The following HOMER2 variants were observed in gnomAD, a reference collection of about 807,000 sequenced individuals.
HOMER2 encodes homer scaffold protein 2.
HOMER2 carries 27 observed loss-of-function variants against 47.0 expected under a neutral mutation model. The observed-to-expected ratio is 0.57, with a 90% confidence interval of 0.42 to 0.79. HOMER2 has a LOEUF of 0.79. HOMER2 is among the 30% of genes least tolerant of loss of function. HOMER2 has a pLI of 0.00. For missense variants in HOMER2, 443 were observed against 435.0 expected (o/e 1.02, Z -0.16); for synonymous variants, 161 against 163.8 (o/e 0.98, Z 0.13).
At chr15:82,923,391 G>A (rs1259762166) in intron 1 of HOMER2, among the ~76,000 whole-genome samples, 2 of 151,652 alleles carry the variant, frequency 1.3e-5, no homozygotes, top group Admixed American at 1.3e-4. Context: ...GGAGGCTGAG[G>A]CATGAGAATT....
At chr15:82,893,916 C>T (rs1354948494) in intron 1 of HOMER2, among the ~76,000 whole-genome samples, 1 of 152,138 alleles carries the variant, frequency 6.6e-6, no homozygotes, top group African/African-American at 2.4e-5. Context: ...CCAGCATGAG[C>T]CATTATAGGG....
At chr15:82,950,263 C>T (rs1339931770) in intron 1 of HOMER2, among the ~76,000 whole-genome samples, 2 of 152,118 alleles carry the variant, frequency 1.3e-5, no homozygotes, top group East Asian at 3.8e-4. Flanking sequence ...ACTGGAGAGG[C>T]CACACTTAAC....
chr15:82,881,517 A>C (rs2052520923), intron 2 of HOMER2, among the ~76,000 whole-genome samples: 1 of 152,330 alleles, frequency 6.6e-6, no homozygotes, highest in Admixed American at 6.5e-5. Flanking sequence ...TTAAAACAAC[A>C]ACAACAAATC....
At chr15:82,868,784 C>A (rs2052077241) in intron 3 of HOMER2, among the ~76,000 whole-genome samples, 1 of 151,228 alleles carries the variant, frequency 6.6e-6, no homozygotes, top group African/African-American at 2.4e-5. Context: ...CTCCTGACCT[C>A]AGGTGATTCG....
At chr15:82,934,826 C>T (rs1477249860) in intron 1 of HOMER2, among the ~76,000 whole-genome samples, 1 of 152,248 alleles carries the variant, frequency 6.6e-6, no homozygotes, top group Non-Finnish European at 1.5e-5. Flanking sequence ...GCCTGTGTTT[C>T]TCTGGTAGCC....
chr15:82,835,193 C>T (rs1351198995), downstream of HOMER2: 1 of 151,766 alleles, frequency 6.6e-6, no homozygotes, highest in African/African-American at 2.4e-5. Flanking sequence ...GTGGCACGAT[C>T]TCAGCTCACT....
intron 5 of HOMER2, among the ~76,000 whole-genome samples, chr15:82,858,073 T>C (rs1369283732): frequency 6.6e-6 from 1 of 152,234 alleles, no homozygotes; most frequent in African/African-American, 2.4e-5. Flanking sequence ...AATTATTTTA[T>C]AAACCTTGAA....
chr15:82,951,555 G>A (rs555289370), intron 1 of HOMER2, among the ~76,000 whole-genome samples: 1 of 152,360 alleles, frequency 6.6e-6, no homozygotes, highest in East Asian at 1.9e-4. Context: ...TGGAGCAGAA[G>A]CATTTGAGTC....
At chr15:82,970,718 A>C (rs2029957240) in intron 1 of HOMER2, among the ~76,000 whole-genome samples, 1 of 152,226 alleles carries the variant, frequency 6.6e-6, no homozygotes, top group Non-Finnish European at 1.5e-5. Context: ...CTCTGAGATA[A>C]AATTTCTTTC....
chr15:82,919,627 A>AATC (rs2053677592), intron 1 of HOMER2, among the ~76,000 whole-genome samples: 1 of 152,248 alleles, frequency 6.6e-6, no homozygotes, highest in Non-Finnish European at 1.5e-5. Context: ...TACCAGGAAG[A>AATC]ATCAAGTCAA....
intron 1 of HOMER2, among the ~76,000 whole-genome samples, chr15:82,897,318 C>A (rs1394766975): frequency 2.0e-5 from 3 of 152,072 alleles, no homozygotes; most frequent in Non-Finnish European, 2.9e-5. Flanking sequence ...CATGCCTCGG[C>A]CTCCCAAAGT....
chr15:82,948,346 G>A (rs192686553), intron 1 of HOMER2, among the ~76,000 whole-genome samples: 92 of 144,792 alleles, frequency 6.4e-4, no homozygotes, highest in African/African-American at 2.3e-3. Flanking sequence ...AGCCAAGATC[G>A]CGCCACTGCA....
intron 1 of HOMER2, among the ~76,000 whole-genome samples, chr15:82,977,555 GA>G (rs10714840): frequency 0.22 from 34,098 of 152,074 alleles, 4,252 homozygotes; most frequent in East Asian, 0.57. Flanking sequence ...TTAGAAATTG[GA>G]AAGTCTAAGT....
chr15:82,977,304 T>C (rs972904334), intron 1 of HOMER2, among the ~76,000 whole-genome samples: 13 of 152,188 alleles, frequency 8.5e-5, no homozygotes, highest in African/African-American at 3.1e-4. Context: ...AGGGAACATA[T>C]GGAACCCACC....
intron 1 of HOMER2, among the ~76,000 whole-genome samples, chr15:82,931,385 C>T (rs1174620517): frequency 6.6e-6 from 1 of 152,148 alleles, no homozygotes; most frequent in Non-Finnish European, 1.5e-5. Context: ...CAAGGCAAAG[C>T]TTTCAGAACA....
intron 1 of HOMER2, among the ~76,000 whole-genome samples, chr15:82,978,516 C>T (rs114564533): frequency 0.013 from 2,037 of 152,194 alleles, 40 homozygotes; most frequent in African/African-American, 0.047. Flanking sequence ...CAACATAGTA[C>T]GAAGTCTTCC....
At chr15:82,865,772 C>A (rs113652968) in intron 3 of HOMER2, among the ~76,000 whole-genome samples, 5 of 152,368 alleles carry the variant, frequency 3.3e-5, no homozygotes, top group Admixed American at 1.3e-4. Flanking sequence ...TCAAAGGGTG[C>A]AAGCCCAAAG....
chr15:82,965,270 C>T (rs1464671962), intron 1 of HOMER2, among the ~76,000 whole-genome samples: 2 of 152,188 alleles, frequency 1.3e-5, no homozygotes, highest in Non-Finnish European at 2.9e-5. Flanking sequence ...CCTCCCATCT[C>T]AGCCTCCCAA....
At chr15:82,915,535 A>AAAAC (rs769255673) in intron 1 of HOMER2, among the ~76,000 whole-genome samples, 30 of 152,120 alleles carry the variant, frequency 2.0e-4, no homozygotes, top group Middle Eastern at 6.8e-3. Flanking sequence ...TTCGCTACAA[A>AAAAC]AAACAAACAA....
Sources: gnomAD v4.1 joint callset for allele counts (sites outside exome capture counted in the v4.1 genomes callset) on GRCh38, gnomAD v4.1.1 for gene constraint, MANE v1.5 for transcripts, NCBI Gene and HGNC (gene_info 2026-07-23, HGNC 2026-07-21) for gene names.